Variants in TACR3 observed in about 807,000 individuals in gnomAD.
TACR3 encodes neuromedin-K receptor.
In TACR3, 34 loss-of-function variants were observed where a neutral mutation model predicts 35.0. That is an observed-to-expected ratio of 0.97 (90% confidence interval 0.74 to 1.30). The LOEUF (loss-of-function observed/expected upper bound fraction) is 1.30, where lower values mean the gene tolerates loss of function less well. Among genes scored for constraint, TACR3 ranks in the 50% most tolerant of loss-of-function variants. The pLI is 0.00. For missense variants in TACR3, 558 were observed against 591.7 expected, an observed-to-expected ratio of 0.94 and a Z score of 0.59; for synonymous variants, 233 against 221.1, an observed-to-expected ratio of 1.05 and a Z score of -0.48.
At chr4:103,628,785 C>G (rs1344996029) in intron 3 of TACR3, among the ~76,000 whole-genome samples, 2 of 152,148 alleles carry the variant, frequency 1.3e-5, no homozygotes, top group Non-Finnish European at 2.9e-5. Flanking sequence ...GGAATCCTCC[C>G]TAACTCATTT....
At chr4:103,699,453 T>A (rs900778376) in intron 1 of TACR3, among the ~76,000 whole-genome samples, 13 of 152,164 alleles carry the variant, frequency 8.5e-5, no homozygotes. Context: ...GTTTCTACCC[T>A]GAGAGAGCTA....
intron 1 of TACR3, among the ~76,000 whole-genome samples, chr4:103,689,033 A>C (rs1486403078): frequency 3.9e-5 from 6 of 152,208 alleles, no homozygotes; most frequent in Admixed American, 2.0e-4. Context: ...GATTAAGAAA[A>C]TGTGGCACAT....
intron 3 of TACR3, among the ~76,000 whole-genome samples, chr4:103,652,707 A>G (rs1240342594): frequency 2.6e-5 from 4 of 152,042 alleles, no homozygotes; most frequent in Admixed American, 6.6e-5. Flanking sequence ...AGTAGTGTAT[A>G]GAATTGTTTT....
chr4:103,687,275 T>C lies in TACR3; in HGVS notation c.549-28872A>G, dbSNP rs945939688. ...AATAATAAGAGCTATCTATGACAAA[T>C]CCACAGCCAATATCATGCTGAATGG... On this transcript the variant is annotated intron_variant, in intron 1 of 4. Coordinates refer to ENST00000304883, the MANE Select transcript of TACR3 (RefSeq NM_001059.3). Among the ~76,000 whole-genome samples, 32 of 152,096 alleles carry C rather than the reference T, an allele frequency of 2.1e-4. No individual in the cohort carries two copies. The East Asian group carries it at 5.6e-3, about 27-fold the overall frequency.
At chr4:103,612,069 C>T (rs763743914) in intron 3 of TACR3, among the ~76,000 whole-genome samples, 1 of 152,092 alleles carries the variant, frequency 6.6e-6, no homozygotes, top group Non-Finnish European at 1.5e-5. Context: ...ATAGATTACC[C>T]TCTACTTAAA....
chr4:103,716,224 TG>T (rs1723088073), intron 1 of TACR3, among the ~76,000 whole-genome samples: 1 of 133,072 alleles, frequency 7.5e-6, no homozygotes, highest in Non-Finnish European at 1.5e-5. Context: ...CTTGTGTGTG[TG>T]TGTGTGTGTG....
At chr4:103,636,880 T>G (rs1178877178) in intron 3 of TACR3, among the ~76,000 whole-genome samples, 1 of 152,112 alleles carries the variant, frequency 6.6e-6, no homozygotes, top group Non-Finnish European at 1.5e-5. Context: ...CTCCCAATAC[T>G]AAACCAGGAA....
chr4:103,663,399 T>C (rs577551975), intron 1 of TACR3, among the ~76,000 whole-genome samples: 2 of 152,134 alleles, frequency 1.3e-5, no homozygotes, highest in South Asian at 4.1e-4. Context: ...GAGGTTGAGG[T>C]ATGAGCATCT....
At chr4:103,676,916 A>G (rs1726182607) in intron 1 of TACR3, among the ~76,000 whole-genome samples, 1 of 152,218 alleles carries the variant, frequency 6.6e-6, no homozygotes, top group African/African-American at 2.4e-5. Flanking sequence ...ATCAAGAGTA[A>G]ACAGCCAACC....
chr4:103,628,946 C>A (rs1196581202), intron 3 of TACR3, among the ~76,000 whole-genome samples: 2 of 152,172 alleles, frequency 1.3e-5, no homozygotes, highest in East Asian at 1.9e-4. Context: ...CCACCACAAT[C>A]AAGTCAGCTT....
At chr4:103,646,478 T>A (rs1725457118) in intron 3 of TACR3, among the ~76,000 whole-genome samples, 1 of 152,042 alleles carries the variant, frequency 6.6e-6, no homozygotes, top group South Asian at 2.1e-4. Flanking sequence ...TTAAATATTA[T>A]GTTTTATGTC....
At chr4:103,645,694 T>C (rs868271537) in intron 3 of TACR3, among the ~76,000 whole-genome samples, 2 of 152,074 alleles carry the variant, frequency 1.3e-5, no homozygotes, top group Middle Eastern at 3.4e-3. Flanking sequence ...ATTCTTTATT[T>C]TGGAAAAGAT....
At position 103,631,151 on chromosome 4, in the gene TACR3, G is replaced by T. The variant is rs112545116; in HGVS notation, c.888+25043C>A. 6.4e-3 allele frequency among the ~76,000 whole-genome samples: 975 copies of T among 152,130 alleles called. 8 individuals carry two copies. Among genetic ancestry groups the T allele is most frequent in the African/African-American group, 0.022 (911 of 41,484 alleles). ...ATGAGAACACTGGGACACAGGGCAG[G>T]GAACATCACACATGGGGGCCTGTCG... On this transcript the variant is annotated intron_variant, in intron 3 of 4. Transcript: ENST00000304883.
chr4:103,608,578 A>C (rs11944052), intron 3 of TACR3, among the ~76,000 whole-genome samples: 2,490 of 152,234 alleles, frequency 0.016, 56 homozygotes, highest in African/African-American at 0.057. Flanking sequence ...GGATGTTTTC[A>C]TTGGTTATAA....
At chr4:103,647,062 T>G (rs1725477237) in intron 3 of TACR3, among the ~76,000 whole-genome samples, 1 of 151,966 alleles carries the variant, frequency 6.6e-6, no homozygotes, top group Admixed American at 6.6e-5. Context: ...AAGGGATTCA[T>G]GAAATTTTAG....
chr4:103,632,350 A>G (rs1725086198), intron 3 of TACR3, among the ~76,000 whole-genome samples: 1 of 152,170 alleles, frequency 6.6e-6, no homozygotes, highest in Non-Finnish European at 1.5e-5. Flanking sequence ...AATACTATGC[A>G]GCCACAAAGA....
At chr4:103,626,988 C>T (rs922129739) in intron 3 of TACR3, among the ~76,000 whole-genome samples, 1 of 150,226 alleles carries the variant, frequency 6.7e-6, no homozygotes, top group Non-Finnish European at 1.5e-5. Context: ...GCCTGGCCAA[C>T]ATAGCAAAAC....
At chr4:103,608,237 T>C (rs1330018062) in intron 3 of TACR3, among the ~76,000 whole-genome samples, 1 of 152,028 alleles carries the variant, frequency 6.6e-6, no homozygotes, top group Non-Finnish European at 1.5e-5. Context: ...CATAAAAGTA[T>C]AAAATCATGT....
At chr4:103,594,021 G>A (rs764555507) in intron 3 of TACR3, among the ~76,000 whole-genome samples, 20 of 152,162 alleles carry the variant, frequency 1.3e-4, no homozygotes, top group Non-Finnish European at 2.1e-4. Context: ...ACTGAAAGAC[G>A]CAGACAGTTA....
Sources: allele counts gnomAD v4.1 joint callset (sites outside exome capture counted in the v4.1 genomes callset), GRCh38; gene constraint gnomAD v4.1.1; transcripts MANE v1.5; gene names NCBI Gene and HGNC (gene_info 2026-07-23, HGNC 2026-07-21).